Variants in SEMA5A observed in about 807,000 individuals in gnomAD.
SEMA5A encodes semaphorin 5A, also known as semaphorin-5A.
In SEMA5A, 55 loss-of-function variants were observed where a neutral mutation model predicts 135.5. That is an observed-to-expected ratio of 0.41 (90% confidence interval 0.33 to 0.51). SEMA5A has a LOEUF of 0.51. Ranked by LOEUF, SEMA5A falls within the 20% of genes least tolerant of loss-of-function variation. The pLI, the probability that SEMA5A is intolerant of heterozygous loss-of-function variation, is 0.37. For synonymous variants in SEMA5A, 580 were observed against 546.5 expected (o/e 1.06, Z -0.85); for missense variants, 1,290 against 1,419.9 (o/e 0.91, Z 1.47).
chr5:9,178,504 T>C (rs1023138066), intron 11 of SEMA5A, among the ~76,000 whole-genome samples: 1 of 152,048 alleles, frequency 6.6e-6, no homozygotes, highest in Non-Finnish European at 1.5e-5. Flanking sequence ...GCTACTTTTT[T>C]TTATTTTTAG....
intron 6 of SEMA5A, among the ~76,000 whole-genome samples, chr5:9,234,471 A>G (rs527292586): frequency 6.6e-6 from 1 of 152,372 alleles, no homozygotes; most frequent in East Asian, 1.9e-4. Context: ...AGTGCTGTCT[A>G]GACCAACATG....
chr5:9,091,255 A>C (rs565407859), intron 16 of SEMA5A, among the ~76,000 whole-genome samples: 13 of 152,374 alleles, frequency 8.5e-5, no homozygotes, highest in African/African-American at 3.1e-4. Context: ...CAAAACATGA[A>C]GTAAAAGATA....
chr5:9,389,939 TG>T (rs1383813681), intron 2 of SEMA5A, among the ~76,000 whole-genome samples: 1 of 152,230 alleles, frequency 6.6e-6, no homozygotes, highest in Non-Finnish European at 1.5e-5. Flanking sequence ...CAGATAGTAC[TG>T]GACATAGTGC....
At chr5:9,401,075 A>G (rs1756639368) in intron 2 of SEMA5A, among the ~76,000 whole-genome samples, 1 of 151,952 alleles carries the variant, frequency 6.6e-6, no homozygotes, top group Admixed American at 6.6e-5. Flanking sequence ...CTTCACTCCA[A>G]CTTGTTTATT....
intron 5 of SEMA5A, among the ~76,000 whole-genome samples, chr5:9,263,668 G>C (rs967179063): frequency 6.6e-6 from 1 of 152,174 alleles, no homozygotes; most frequent in Non-Finnish European, 1.5e-5. Context: ...TCTTGCAAAA[G>C]AAAGAGAACA....
At chr5:9,175,916 T>C (rs1264719189) in intron 11 of SEMA5A, among the ~76,000 whole-genome samples, 1 of 152,194 alleles carries the variant, frequency 6.6e-6, no homozygotes, top group Non-Finnish European at 1.5e-5. Context: ...GGGCATCTAA[T>C]AGACCTCCTA....
At chr5:9,303,631 G>T (rs1751722879) in intron 5 of SEMA5A, among the ~76,000 whole-genome samples, 1 of 152,078 alleles carries the variant, frequency 6.6e-6, no homozygotes, top group South Asian at 2.1e-4. Flanking sequence ...AATGATAAAT[G>T]AATGAGGTGA....
intron 5 of SEMA5A, 79 bp downstream of exon 5, chr5:9,318,293 T>C (rs1327008369): frequency 2.2e-6 from 3 of 1,375,484 alleles, no homozygotes; most frequent in Admixed American, 3.7e-5. Context: ...CACCTTTACA[T>C]GCATCTGTCT....
intron 5 of SEMA5A, among the ~76,000 whole-genome samples, chr5:9,313,118 T>C (rs55886113): frequency 0.019 from 2,885 of 152,242 alleles, 83 homozygotes; most frequent in African/African-American, 0.066. Flanking sequence ...CAGAATTCTA[T>C]GAATGTCACT....
rs1189843871 is a variant in SEMA5A at position 9,037,887 on chromosome 5, CCAAA to C, written c.*5006_*5009del. ...TAAATTTCACGATGATCCCCTGTCC[CCAAA>C]CATTTTATCTTACATTGTGCATGGC... is the stretch of plus-strand genomic sequence containing the variant. On this transcript the variant is annotated 3_prime_UTR_variant, in exon 23 of 23. Coordinates refer to ENST00000382496, the MANE Select transcript of SEMA5A (RefSeq NM_003966.3). The C allele has an allele frequency of 3.3e-5, 5 of 152,302 alleles. No individual in the cohort carries two copies. The highest frequency in any genetic ancestry group is 1.3e-4 in the Admixed American group (2 of 15,298). 9.4% of individuals were successfully genotyped at this position (152,302 alleles called of 1,614,324 possible).
At chr5:9,293,935 T>C (rs750827390) in intron 5 of SEMA5A, among the ~76,000 whole-genome samples, 4 of 152,236 alleles carry the variant, frequency 2.6e-5, no homozygotes, top group Admixed American at 6.5e-5. Context: ...AATTGGTTCC[T>C]TTCTTTGTAA....
intron 2 of SEMA5A, among the ~76,000 whole-genome samples, chr5:9,428,741 A>C (rs1184588527): frequency 6.6e-6 from 1 of 152,228 alleles, no homozygotes; most frequent in African/African-American, 2.4e-5. Flanking sequence ...TAATTATTTA[A>C]TTATTGTAAA....
intron 18 of SEMA5A, among the ~76,000 whole-genome samples, chr5:9,062,654 T>C (rs1737244931): frequency 6.6e-6 from 1 of 152,140 alleles, no homozygotes; most frequent in African/African-American, 2.4e-5. Flanking sequence ...TTCGTAGGGA[T>C]GAGGTCTGGC....
chr5:9,272,290 G>A (rs1750015964), intron 5 of SEMA5A, among the ~76,000 whole-genome samples: 1 of 152,132 alleles, frequency 6.6e-6, no homozygotes, highest in Admixed American at 6.5e-5. Context: ...CCGCAGCTCA[G>A]CAAGGCCACT....
At chr5:9,459,758 T>C (rs1404565184) in intron 1 of SEMA5A, among the ~76,000 whole-genome samples, 1 of 152,258 alleles carries the variant, frequency 6.6e-6, no homozygotes, top group Non-Finnish European at 1.5e-5. Flanking sequence ...TAAAGATCAT[T>C]AAATCTCAAG....
intron 1 of SEMA5A, among the ~76,000 whole-genome samples, chr5:9,482,670 T>C (rs1759919683): frequency 6.6e-6 from 1 of 152,148 alleles, no homozygotes; most frequent in Admixed American, 6.5e-5. Flanking sequence ...TAAGCTACTA[T>C]CACAATGTCA....
chr5:9,075,021 T>C (rs1207441309), intron 16 of SEMA5A, among the ~76,000 whole-genome samples: 22 of 152,334 alleles, frequency 1.4e-4, no homozygotes, highest in Middle Eastern at 3.4e-3. Context: ...TTTAGAGATT[T>C]TTAGATATTC....
At chr5:9,289,721 T>C (rs933231234) in intron 5 of SEMA5A, among the ~76,000 whole-genome samples, 2 of 152,130 alleles carry the variant, frequency 1.3e-5, no homozygotes, top group African/African-American at 4.8e-5. Flanking sequence ...AATTTTGATA[T>C]ACTACTTTTT....
chr5:9,340,530 T>G (rs192758028), intron 3 of SEMA5A, among the ~76,000 whole-genome samples: 3 of 152,276 alleles, frequency 2.0e-5, no homozygotes, highest in East Asian at 3.9e-4. Context: ...CAGGTTTTGG[T>G]CCCTATACTG....
Sources: allele counts gnomAD v4.1 joint callset (sites outside exome capture counted in the v4.1 genomes callset), GRCh38; gene constraint gnomAD v4.1.1; transcripts MANE v1.5; gene names NCBI Gene and HGNC (gene_info 2026-07-23, HGNC 2026-07-21).